FAM168A: variants seen among roughly 807,000 people sequenced by gnomAD.
The protein encoded by FAM168A is protein FAM168A.
A neutral mutation model predicts 28.5 loss-of-function variants in FAM168A; 3 were observed. The observed-to-expected ratio is 0.11, with a 90% CI of 0.05 to 0.27. The LOEUF is 0.27. FAM168A is among the 10% of genes least tolerant of loss of function. The probability of loss-of-function intolerance (pLI) is 1.00; values close to 1 mark genes in which losing one functional copy is unlikely to be tolerated. For missense variants in FAM168A, 222 were observed against 311.5 expected (o/e 0.71, Z 2.16); for synonymous variants, 122 against 124.2 (o/e 0.98, Z 0.12).
In FAM168A at chr11:73,561,095, G is replaced by A. The variant is rs34536570; in HGVS notation, c.-19+36828C>T. On this transcript the variant is annotated intron_variant, in intron 1 of 7. Transcript: ENST00000356467. ...AAAACAAAAAACAAAAAGACCGGGCGCGGTGGCGGTGGCTCATGCCTGTAA... is the reference window on the plus strand; with the variant it reads ...AAAACAAAAAACAAAAAGACCGGGCACGGTGGCGGTGGCTCATGCCTGTAA... Among the ~76,000 whole-genome samples, 1,348 of 149,180 alleles carry A rather than the reference G, an allele frequency of 9.0e-3. 25 individuals are homozygous for A. The highest frequency in any genetic ancestry group is 0.032 in the African/African-American group (1,299 of 40,170).
intron 1 of FAM168A, among the ~76,000 whole-genome samples, chr11:73,528,852 T>G (rs1355181105): frequency 6.6e-6 from 1 of 151,924 alleles, no homozygotes; most frequent in Non-Finnish European, 1.5e-5. Flanking sequence ...AACATCAGCC[T>G]CATAAATTTT....
chr11:73,484,498 GGAGA>G (rs201878144), intron 1 of FAM168A, among the ~76,000 whole-genome samples: 4 of 143,138 alleles, frequency 2.8e-5, no homozygotes, highest in African/African-American at 8.1e-5. Context: ...AGAACTAAGA[GGAGA>G]GAGAGATATA....
At chr11:73,450,229 A>G (rs1252093495) in intron 2 of FAM168A, among the ~76,000 whole-genome samples, 1 of 152,234 alleles carries the variant, frequency 6.6e-6, no homozygotes, top group Admixed American at 6.5e-5. Flanking sequence ...CTGCTTCTAA[A>G]GCTGTTTTGA....
At position 73,404,375 on chromosome 11, in the gene FAM168A, G is replaced by GTACA. The variant is rs1361912234; in HGVS notation, c.*2384_*2387dup. On this transcript the variant is annotated 3_prime_UTR_variant, in exon 8 of 8. Transcript: ENST00000356467. ...TCTAACCCTGTCCCTCTCAGGGCGA[G>GTACA]TACATGAAAGGCCGTGAAGTGCTTT... The GTACA allele has an allele frequency of 6.6e-6, 1 of 152,104 alleles. No homozygotes were observed. The highest frequency in any genetic ancestry group is 1.5e-5 in the Non-Finnish European group (1 of 68,038). The allele number at this position is 152,104 out of a possible 1,614,324, so 9.4% of individuals were successfully genotyped here. A position where few individuals can be genotyped will look rare whatever the true frequency, so the allele number is the denominator to read the frequency against.
chr11:73,453,369 G>A (rs1271394196), intron 2 of FAM168A, among the ~76,000 whole-genome samples: 1 of 152,210 alleles, frequency 6.6e-6, no homozygotes, highest in Non-Finnish European at 1.5e-5. Flanking sequence ...TCCATGGGAA[G>A]TAGAACTCTG....
chr11:73,580,188 G>A (rs575215852), intron 1 of FAM168A: 1 of 439,298 alleles, frequency 2.3e-6, no homozygotes, highest in East Asian at 6.2e-5. Flanking sequence ...ACCAACCAAA[G>A]CCTGTGCTCC....
intron 1 of FAM168A, among the ~76,000 whole-genome samples, chr11:73,505,727 C>T (rs1855104248): frequency 6.6e-6 from 1 of 152,092 alleles, no homozygotes; most frequent in African/African-American, 2.4e-5. Context: ...AAGAACGTAA[C>T]CCCTTTGTGA....
intron 2 of FAM168A, among the ~76,000 whole-genome samples, chr11:73,458,420 T>C (rs953037311): frequency 6.6e-6 from 1 of 152,216 alleles, no homozygotes; most frequent in Non-Finnish European, 1.5e-5. Flanking sequence ...ATGTGCATGA[T>C]TCTTGCCCTG....
intron 2 of FAM168A, among the ~76,000 whole-genome samples, chr11:73,431,436 C>G (rs990882504): frequency 6.6e-6 from 1 of 151,202 alleles, no homozygotes. Flanking sequence ...TGCCGCACTA[C>G]TCTCCTCCCC....
At chr11:73,544,990 T>TA (rs1943720879) in intron 1 of FAM168A, among the ~76,000 whole-genome samples, 3 of 80,578 alleles carry the variant, frequency 3.7e-5, no homozygotes, top group African/African-American at 2.1e-4. Context: ...ATATTTTATA[T>TA]ATAGTATATA....
At chr11:73,486,947 G>C (rs1004727866) in intron 1 of FAM168A, among the ~76,000 whole-genome samples, 8 of 152,132 alleles carry the variant, frequency 5.3e-5, no homozygotes, top group African/African-American at 1.9e-4. Context: ...ATTACAAGTA[G>C]TATGTTTTCA....
At chr11:73,446,151 C>CAATG (rs1867310323) in intron 2 of FAM168A, among the ~76,000 whole-genome samples, 1 of 152,238 alleles carries the variant, frequency 6.6e-6, no homozygotes, top group Non-Finnish European at 1.5e-5. Context: ...TTACAATTAA[C>CAATG]TCAGGCCTCA....
chr11:73,465,290 A>C (rs1867717450), intron 2 of FAM168A, among the ~76,000 whole-genome samples: 1 of 150,300 alleles, frequency 6.7e-6, no homozygotes. Flanking sequence ...ACACAATCAG[A>C]ACATTTTAGA....
chr11:73,546,712 A>G (rs1014687318), intron 1 of FAM168A, among the ~76,000 whole-genome samples: 7 of 150,834 alleles, frequency 4.6e-5, no homozygotes, highest in African/African-American at 1.7e-4. Flanking sequence ...AGCCTGGGCA[A>G]CAAGAGCGAA....
chr11:73,553,443 G>C (rs1053443900), intron 1 of FAM168A, among the ~76,000 whole-genome samples: 2 of 152,110 alleles, frequency 1.3e-5, no homozygotes, highest in African/African-American at 2.4e-5. Context: ...CCTGAGCATA[G>C]AGAAAGCAAT....
chr11:73,495,600 A>T (rs567171390), intron 1 of FAM168A, among the ~76,000 whole-genome samples: 1 of 152,356 alleles, frequency 6.6e-6, no homozygotes, highest in Admixed American at 6.5e-5. Flanking sequence ...AATACAATTT[A>T]AAAATGGATA....
intron 1 of FAM168A, among the ~76,000 whole-genome samples, chr11:73,489,144 G>T (rs1868094595): frequency 6.6e-6 from 1 of 152,158 alleles, no homozygotes; most frequent in African/African-American, 2.4e-5. Context: ...CTCCAAAAGT[G>T]CTGGGATTAC....
chr11:73,453,319 G>A (rs1383717015), intron 2 of FAM168A, among the ~76,000 whole-genome samples: 1 of 152,132 alleles, frequency 6.6e-6, no homozygotes, highest in Non-Finnish European at 1.5e-5. Context: ...TTTTTCCCAA[G>A]CTCTGGACCT....
At chr11:73,597,388 T>C (rs1251453546) in intron 1 of FAM168A, among the ~76,000 whole-genome samples, 2 of 151,690 alleles carry the variant, frequency 1.3e-5, no homozygotes, top group Non-Finnish European at 2.9e-5. Context: ...GCCACCTCCA[T>C]CATCCTGCCC....
Sources: allele counts gnomAD v4.1 joint callset (sites outside exome capture counted in the v4.1 genomes callset), GRCh38; gene constraint gnomAD v4.1.1; transcripts MANE v1.5; gene names NCBI Gene and HGNC (gene_info 2026-07-23, HGNC 2026-07-21).